Variants in FRMPD4 observed in about 807,000 individuals in gnomAD.
FRMPD4 encodes FERM and PDZ domain-containing protein 4.
A neutral mutation model predicts 94.1 loss-of-function variants in FRMPD4; 22 were observed. That is an observed-to-expected ratio of 0.23 (90% CI 0.17 to 0.33). The LOEUF (loss-of-function observed/expected upper bound fraction) is 0.33, where lower values mean the gene tolerates loss of function less well. FRMPD4 is among the 10% of genes least tolerant of loss of function. The pLI, the probability that FRMPD4 is intolerant of heterozygous loss-of-function variation, is 1.00. For synonymous variants in FRMPD4, 631 were observed against 548.6 expected, an observed-to-expected ratio of 1.15 and a Z score of -2.10; for missense variants, 1,111 against 1,339.9, an observed-to-expected ratio of 0.83 and a Z score of 2.67.
chrX:11,988,094 A>C (rs756517152), intron 3 of FRMPD4, among the ~76,000 whole-genome samples: 1 of 111,884 alleles, frequency 8.9e-6, no homozygotes, highest in Admixed American at 9.5e-5. Context: ...CAACCCTAAC[A>C]TTTACATGAA....
chrX:12,590,767 A>G (rs958546751), intron 2 of FRMPD4, among the ~76,000 whole-genome samples: 4 of 111,588 alleles, frequency 3.6e-5, no homozygotes, highest in African/African-American at 1.3e-4. Context: ...GGCTGCCTCT[A>G]TCAGTGATTC....
chrX:11,873,680 G>A (rs1401922980), intron 2 of FRMPD4, among the ~76,000 whole-genome samples: 5 of 105,747 alleles, frequency 4.7e-5, no homozygotes, highest in Non-Finnish European at 7.7e-5. Flanking sequence ...TAGACTCGAC[G>A]CAATCTCAAT....
intron 3 of FRMPD4, among the ~76,000 whole-genome samples, chrX:12,060,390 G>T (rs2054878669): frequency 9.8e-6 from 1 of 101,562 alleles, no homozygotes; most frequent in Non-Finnish European, 2.0e-5. Context: ...TTCATATGTT[G>T]CTGGCTGTTT....
In FRMPD4 at chrX:12,557,717, C is replaced by A. The variant is rs144380222; in HGVS notation, c.159-52004C>A. On this transcript the variant is annotated intron_variant, in intron 2 of 16. Transcript: ENST00000675598. ...CCATAGTGCCCCATCTCTCTAAGCA[C>A]GTGATTTATTCTAAGTGTTACATGA... Among the ~76,000 whole-genome samples, 462 of 111,335 alleles carry A rather than the reference C, an allele frequency of 4.1e-3. 2 individuals carry two copies. The highest frequency in any genetic ancestry group is 0.014 in the African/African-American group (441 of 30,587).
intron 3 of FRMPD4, among the ~76,000 whole-genome samples, chrX:12,025,399 GA>G (rs1409187402): frequency 1.9e-5 from 2 of 102,748 alleles, no homozygotes; most frequent in African/African-American, 7.0e-5. Context: ...GGACATCTAA[GA>G]AAAAAAAAAG....
intron 1 of FRMPD4, among the ~76,000 whole-genome samples, chrX:12,426,442 G>C (rs2056945906): frequency 2.7e-5 from 3 of 111,393 alleles, no homozygotes; most frequent in Non-Finnish European, 5.7e-5. Context: ...GATTATTCAT[G>C]GAATGGGAAA....
intron 14 of FRMPD4, 109 bp downstream of exon 14, chrX:12,710,646 G>A (rs1261301876): frequency 3.2e-5 from 23 of 725,715 alleles, no homozygotes; most frequent in South Asian, 2.0e-4. Context: ...GGTGGCTCAC[G>A]CCTGTAATCC....
chrX:12,710,160 A>G (rs1221729183), intron 13 of FRMPD4, among the ~76,000 whole-genome samples: 1 of 111,213 alleles, frequency 9.0e-6, no homozygotes, highest in Non-Finnish European at 1.9e-5. Flanking sequence ...AGATAGACAG[A>G]CATATATATA....
intron 1 of FRMPD4, among the ~76,000 whole-genome samples, chrX:12,204,914 G>T (rs5979550): frequency 0.034 from 3,694 of 110,219 alleles, 152 homozygotes; most frequent in African/African-American, 0.12. Context: ...TACACCTGTT[G>T]TAAATTGCCC....
chrX:12,016,358 T>C (rs1242545594), intron 3 of FRMPD4, among the ~76,000 whole-genome samples: 1 of 112,319 alleles, frequency 8.9e-6, no homozygotes, highest in Non-Finnish European at 1.9e-5. Flanking sequence ...GTACTTATTA[T>C]GTGCATTAAG....
intron 1 of FRMPD4, among the ~76,000 whole-genome samples, chrX:12,250,822 G>A (rs1022085356): frequency 9.0e-6 from 1 of 110,695 alleles, no homozygotes; most frequent in Non-Finnish European, 1.9e-5. Context: ...AGCTCCCTTG[G>A]CCAAGAGACC....
chrX:12,550,518 G>A (rs962447347), intron 2 of FRMPD4, among the ~76,000 whole-genome samples: 1 of 111,317 alleles, frequency 9.0e-6, no homozygotes, highest in Non-Finnish European at 1.9e-5. Context: ...GAGGTATACT[G>A]CTACTGAATA....
chrX:12,233,954 G>A (rs1033695310), intron 1 of FRMPD4, among the ~76,000 whole-genome samples: 4 of 107,240 alleles, frequency 3.7e-5, no homozygotes, highest in African/African-American at 1.4e-4. Flanking sequence ...TTCCTTCTGC[G>A]TCATCTGCCA....
At chrX:12,637,459 CAGG>C (rs1157426916) in intron 4 of FRMPD4, among the ~76,000 whole-genome samples, 3 of 111,898 alleles carry the variant, frequency 2.7e-5, no homozygotes, top group Non-Finnish European at 5.6e-5. Context: ...CACTTGAAGC[CAGG>C]AGTTCAAGAC....
chrX:12,449,715 G>A (rs967700001), intron 1 of FRMPD4, among the ~76,000 whole-genome samples: 12 of 111,673 alleles, frequency 1.1e-4, no homozygotes, highest in Non-Finnish European at 1.9e-4. Context: ...AGGCCAGGCA[G>A]GGTGACTCAC....
Position 12,718,743 on chromosome X carries a change from C to A in FRMPD4, c.3917C>A (p.Thr1306Lys). 8.3e-7 allele frequency: 1 copy of A among 1,208,176 alleles called. No individual in the cohort carries two copies. Among genetic ancestry groups the A allele is most frequent in the East Asian group, 3.0e-5 (1 of 33,827 alleles). Reference protein sequence around the residue: ...TAINTEPLFGTLRDGCHRLPK... With the variant: ...TAINTEPLFGKLRDGCHRLPK... The stretch of plus-strand genomic sequence containing the variant: ...ATTAACACCGAACCCCTGTTTGGCA[C>A]ATTGAGAGATGGATGCCATCGGCTC... Residue 1306 changes from threonine to lysine, a missense_variant, in exon 16 of 17, where the codon ACA becomes AAA. Physicochemically the swap from Thr to Lys is moderately conservative, Grantham distance 78 (BLOSUM62 -1). Coordinates refer to ENST00000675598, the MANE Select transcript of FRMPD4 (RefSeq NM_001368397.1).
chrX:12,306,884 T>C (rs2054949700), intron 1 of FRMPD4, among the ~76,000 whole-genome samples: 1 of 112,184 alleles, frequency 8.9e-6, no homozygotes, highest in African/African-American at 3.2e-5. Context: ...TCCTGGAGGA[T>C]CTGGCATTTT....
Position 11,877,945 on chromosome X carries a change from G to GAA in FRMPD4, c.25_26dup (p.Asn9LysfsTer42), listed in dbSNP as rs2147311331. ...TACCATGGAGGAGGACCTTGAAGGA[G>GAA]AAAACTGGCAGACCTTCTCCATTCC... is the stretch of plus-strand genomic sequence containing the variant. On this transcript the variant is annotated frameshift_variant, in exon 3 of 19. Transcript: ENST00000640291. LOFTEE classifies it high-confidence loss of function. Among the ~76,000 whole-genome samples, 1 of 112,195 alleles carries GAA rather than the reference G, an allele frequency of 8.9e-6. No homozygotes were observed. The highest frequency in any genetic ancestry group is 2.8e-4 in the East Asian group (1 of 3,571).
At chrX:12,017,816 C>T (rs768702277) in intron 3 of FRMPD4, among the ~76,000 whole-genome samples, 1 of 111,697 alleles carries the variant, frequency 9.0e-6, no homozygotes, top group South Asian at 3.8e-4. Flanking sequence ...ATTCTCTAGA[C>T]TGAAAGGAGC....
Sources: allele counts gnomAD v4.1 joint callset (sites outside exome capture counted in the v4.1 genomes callset), GRCh38; gene constraint gnomAD v4.1.1; transcripts MANE v1.5; gene names NCBI Gene and HGNC (gene_info 2026-07-23, HGNC 2026-07-21).